FLT3: variants seen among roughly 807,000 people sequenced by gnomAD.
FLT3 encodes receptor-type tyrosine-protein kinase FLT3.
FLT3 carries 46 observed loss-of-function variants against 126.6 expected under a neutral mutation model. The observed-to-expected ratio is 0.36, with a 90% CI of 0.29 to 0.46. The LOEUF (loss-of-function observed/expected upper bound fraction) is 0.46, where lower values mean the gene tolerates loss of function less well. FLT3 is among the 20% of genes least tolerant of loss of function. FLT3 has a pLI of 1.00. For missense variants in FLT3, 1,069 were observed against 1,190.3 expected (o/e 0.90, Z 1.50); for synonymous variants, 404 against 434.4 (o/e 0.93, Z 0.87).
chr13:28,015,365 A>G, intron 21 of FLT3, 109 bp from the exon 22 acceptor site: 1 of 830,678 alleles, frequency 1.2e-6, no homozygotes, highest in South Asian at 1.4e-5. Flanking sequence ...ACACTGTTGC[A>G]GGCACACGGG....
intron 1 of FLT3, among the ~76,000 whole-genome samples, chr13:28,080,182 C>T (rs1171886948): frequency 1.3e-5 from 2 of 152,144 alleles, no homozygotes; most frequent in Admixed American, 1.3e-4. Context: ...TCGAGACCAG[C>T]CTGGCCAAAA....
At chr13:28,018,413 A>G (rs2137622026) in intron 20 of FLT3, 54 bp downstream of exon 20, 1 of 1,601,620 alleles carries the variant, frequency 6.2e-7, no homozygotes, top group Non-Finnish European at 8.5e-7. Flanking sequence ...TTACCATGAT[A>G]ACGACACAAC....
chr13:28,090,482 CTT>C (rs1205854867), intron 1 of FLT3, among the ~76,000 whole-genome samples: 1 of 152,102 alleles, frequency 6.6e-6, no homozygotes, highest in Non-Finnish European at 1.5e-5. Flanking sequence ...ATAAACCTGA[CTT>C]TTTAAAAAGC....
At chr13:28,035,831 T>C in intron 11 of FLT3, 104 bp downstream of exon 11, 2 of 1,235,102 alleles carry the variant, frequency 1.6e-6, no homozygotes, top group Non-Finnish European at 2.3e-6. Flanking sequence ...AGGTTAGCAT[T>C]TTAAATATTT....
intron 20 of FLT3, among the ~76,000 whole-genome samples, chr13:28,017,636 A>G (rs9512977): frequency 0.17 from 26,055 of 151,258 alleles, 2,438 homozygotes; most frequent in Middle Eastern, 0.27. Context: ...TTCATTACCA[A>G]GTCAATTCAC....
At chr13:28,097,487 G>A (rs1284193579) in intron 1 of FLT3, among the ~76,000 whole-genome samples, 1 of 152,148 alleles carries the variant, frequency 6.6e-6, no homozygotes, top group Non-Finnish European at 1.5e-5. Flanking sequence ...TACTGAAAGT[G>A]CCTTCTTAGT....
At chr13:28,081,102 T>C (rs1460154475) in intron 1 of FLT3, among the ~76,000 whole-genome samples, 7 of 152,212 alleles carry the variant, frequency 4.6e-5, no homozygotes, top group Non-Finnish European at 2.9e-5. Context: ...TTGTTTTGGA[T>C]ATTCTAGTTC....
rs538578311 is a variant in FLT3, at chr13:28,022,308, T to G, written c.2418+1042A>C. ...AGGTGGATTGCTTGAGCTCAGGATT[T>G]CAAGACCAGCCTGGGCAACATGGTG... On this transcript the variant is annotated intron_variant, in intron 19 of 23. Coordinates refer to ENST00000241453, the MANE Select transcript of FLT3 (RefSeq NM_004119.3). Among the ~76,000 whole-genome samples, 3 of 152,176 alleles carry G rather than the reference T, an allele frequency of 2.0e-5. No individual in the cohort carries two copies. In the East Asian group the frequency reaches 5.8e-4, roughly 30 times the overall value.
intron 15 of FLT3, among the ~76,000 whole-genome samples, chr13:28,031,302 G>A (rs2137664854): frequency 6.6e-6 from 1 of 152,302 alleles, no homozygotes; most frequent in East Asian, 1.9e-4. Context: ...AGCTACCTTA[G>A]CCTTGGAGGG....
At chr13:28,056,987 T>C (rs1306605622) in intron 4 of FLT3, among the ~76,000 whole-genome samples, 1 of 152,168 alleles carries the variant, frequency 6.6e-6, no homozygotes, top group African/African-American at 2.4e-5. Flanking sequence ...TCAGAGAAAT[T>C]GTGACCTGCC....
At chr13:28,029,988 G>A (rs1157623898) in intron 15 of FLT3, among the ~76,000 whole-genome samples, 1 of 152,202 alleles carries the variant, frequency 6.6e-6, no homozygotes, top group Non-Finnish European at 1.5e-5. Context: ...CAAGGGCAGG[G>A]TCTCTGGACT....
chr13:28,006,608 T>C (rs1169338035), intron 23 of FLT3, among the ~76,000 whole-genome samples: 2 of 152,060 alleles, frequency 1.3e-5, no homozygotes, highest in African/African-American at 4.8e-5. Flanking sequence ...CTTCATCCAG[T>C]CTCACTGTCT....
chr13:28,094,267 G>A lies in FLT3; in HGVS notation c.43+6201C>T, dbSNP rs184615596. Among the ~76,000 whole-genome samples, 383 of 152,156 alleles carry A rather than the reference G, an allele frequency of 2.5e-3. 2 individuals carry two copies. The highest frequency in any genetic ancestry group is 9.0e-3 in the African/African-American group (374 of 41,514). Reference sequence around the variant, plus strand: ...TCAAATAACAAAATATTCCAAGACCGAATTCAGTGACTATCTTATACACTG... The same window carrying A: ...TCAAATAACAAAATATTCCAAGACCAAATTCAGTGACTATCTTATACACTG... On this transcript the variant is annotated intron_variant, in intron 1 of 23. Coordinates refer to ENST00000241453, the MANE Select transcript of FLT3 (RefSeq NM_004119.3).
chr13:28,056,870 A>G (rs1876054260), intron 4 of FLT3, among the ~76,000 whole-genome samples: 1 of 152,220 alleles, frequency 6.6e-6, no homozygotes, highest in Non-Finnish European at 1.5e-5. Context: ...AAGAACAGAC[A>G]AGATCATTTT....
Position 28,003,723 on chromosome 13 carries a change from A to G in FLT3, c.*329T>C, listed in dbSNP as rs917601175. On this transcript the variant is annotated 3_prime_UTR_variant, in exon 24 of 24. Transcript: ENST00000241453. ...TAAAAAATCATATTAGCTTCTCCTT[A>G]GCAAAATGCTTTTGTTTTATGTATT... The G allele has an allele frequency of 1.1e-5, 3 of 284,828 alleles. No homozygotes were observed. The highest frequency in any genetic ancestry group is 6.3e-5 in the African/African-American group (3 of 47,538). The allele number at this position is 284,828 out of a possible 1,614,324, so 17.6% of individuals were successfully genotyped here.
At chr13:28,070,344 T>C (rs766185524) in intron 2 of FLT3, 147 bp downstream of exon 2, 1 of 621,586 alleles carries the variant, frequency 1.6e-6, no homozygotes, top group South Asian at 2.0e-5. Flanking sequence ...GCTAGGAGTA[T>C]AGATGCTCTG....
At chr13:28,007,287 C>T (rs1593204132) in intron 23 of FLT3, among the ~76,000 whole-genome samples, 1 of 152,152 alleles carries the variant, frequency 6.6e-6, no homozygotes, top group African/African-American at 2.4e-5. Flanking sequence ...CGCTCTGTCA[C>T]TCAGGCTGGA....
At chr13:28,043,323 G>A (rs1874551318) in intron 9 of FLT3, among the ~76,000 whole-genome samples, 1 of 152,142 alleles carries the variant, frequency 6.6e-6, no homozygotes, top group Non-Finnish European at 1.5e-5. Flanking sequence ...CAGGACACCA[G>A]GACGGCTAGA....
At chr13:28,035,906 A>G (rs753054124) in intron 11 of FLT3, 29 bp downstream of exon 11, 4 of 1,517,222 alleles carry the variant, frequency 2.6e-6, no homozygotes, top group African/African-American at 2.7e-5. Flanking sequence ...ATGTTCTTCC[A>G]TTATAAGAGG....
Sources: allele counts gnomAD v4.1 joint callset (sites outside exome capture counted in the v4.1 genomes callset), GRCh38; gene constraint gnomAD v4.1.1; transcripts MANE v1.5; gene names NCBI Gene and HGNC (gene_info 2026-07-23, HGNC 2026-07-21).